Variants in SLC29A4 observed in about 807,000 individuals in gnomAD.
SLC29A4 encodes the protein equilibrative nucleoside transporter 4.
A neutral mutation model predicts 43.9 loss-of-function variants in SLC29A4; 36 were observed. That is an observed-to-expected ratio of 0.82 (90% confidence interval 0.63 to 1.08). The LOEUF (loss-of-function observed/expected upper bound fraction) is 1.08. SLC29A4 is among the 50% of genes least tolerant of loss of function. The pLI is 0.00. For missense variants in SLC29A4, 869 were observed against 755.3 expected (o/e 1.15, Z -1.77); for synonymous variants, 491 against 338.0 (o/e 1.45, Z -4.97).
At chr7:5,286,612 C>T (rs1441258265) in intron 1 of SLC29A4, among the ~76,000 whole-genome samples, 1 of 152,124 alleles carries the variant, frequency 6.6e-6, no homozygotes, top group African/African-American at 2.4e-5. Context: ...ACAGTGCAAG[C>T]GTCTCCATCA....
chr7:5,293,428 C>A (rs535902502), intron 5 of SLC29A4, among the ~76,000 whole-genome samples: 20 of 152,210 alleles, frequency 1.3e-4, no homozygotes, highest in Admixed American at 1.2e-3. Flanking sequence ...CCTCAGCCTC[C>A]CAAAGTGCTA....
chr7:5,283,395 C>G (rs1425793465), intron 1 of SLC29A4, among the ~76,000 whole-genome samples: 2 of 152,016 alleles, frequency 1.3e-5, no homozygotes, highest in African/African-American at 4.8e-5. Context: ...CCGCGCCACC[C>G]CATCGCTCCC....
At chr7:5,293,651 T>C (rs2128089059) in intron 5 of SLC29A4, among the ~76,000 whole-genome samples, 1 of 152,248 alleles carries the variant, frequency 6.6e-6, no homozygotes, top group Non-Finnish European at 1.5e-5. Flanking sequence ...GTGACTAGAT[T>C]TTATTTTTTT....
chr7:5,299,340 C>T lies in SLC29A4; in HGVS notation c.1122C>T (p.Leu374=), dbSNP rs144306458. ...YFITLCLFPG[L]ESEIRHCILG... is the part of the protein sequence containing the mutation. Reference sequence around the variant, plus strand: ...TCACGCTGTGCCTGTTCCCCGGCCTCGAGTCTGAGATCCGCCACTGCATCC... The same window carrying T: ...TCACGCTGTGCCTGTTCCCCGGCCTTGAGTCTGAGATCCGCCACTGCATCC... The change falls in exon 9 of 11, where the codon CTC becomes CTT. Residue 374 remains leucine (L), a synonymous_variant. Transcript: ENST00000396872. 2.7e-4 allele frequency: 438 copies of T among 1,612,110 alleles called. No homozygotes were observed. The highest frequency in any genetic ancestry group is 3.3e-4 in the Non-Finnish European group (389 of 1,179,866).
intron 9 of SLC29A4, among the ~76,000 whole-genome samples, chr7:5,299,789 G>A (rs1786004746): frequency 1.3e-5 from 2 of 152,230 alleles, no homozygotes; most frequent in South Asian, 4.1e-4. Flanking sequence ...AGTGGCTTAT[G>A]CCTGTAATCC....
chr7:5,296,045 C>T (rs1785633348), intron 6 of SLC29A4, among the ~76,000 whole-genome samples: 1 of 152,128 alleles, frequency 6.6e-6, no homozygotes, highest in African/African-American at 2.4e-5. Flanking sequence ...GCCCTCCCTC[C>T]CGGCCTCGTG....
chr7:5,299,487 G>T (rs1460129723), intron 9 of SLC29A4, 60 bp downstream of exon 9: 3 of 1,544,130 alleles, frequency 1.9e-6, no homozygotes, highest in Non-Finnish European at 1.8e-6. Flanking sequence ...GACAAGGGAG[G>T]CCCTGGCCTA....
At chr7:5,296,676 A>C (rs1366485402) in intron 6 of SLC29A4, among the ~76,000 whole-genome samples, 6 of 143,988 alleles carry the variant, frequency 4.2e-5, no homozygotes, top group Non-Finnish European at 9.1e-5. Context: ...TCATTGTAGG[A>C]ATTGCTGGAA....
Position 5,291,761 on chromosome 7 carries a change from C to G in SLC29A4, c.484C>G (p.Arg162Gly), listed in dbSNP as rs751986686. ...CGACGTGTGGCTGCAGCTCTTCTCT[C>G]GGGACCAGGCCTACGCCATCAACCT... The part of the protein sequence containing the change: ...ICDVWLQLFS[R>G]DQAYAINLAA... The change falls in exon 5 of 11, where the codon CGG (arginine) becomes GGG (glycine). Residue 162 changes from arginine (R) to glycine (G), a missense_variant. Physicochemically the swap from Arg to Gly is moderately radical, Grantham distance 125 (BLOSUM62 -2). Transcript: ENST00000396872. The G allele has an allele frequency of 9.3e-6, 15 of 1,611,900 alleles. No individual in the cohort carries two copies. Among genetic ancestry groups the G allele is most frequent in the Non-Finnish European group, 1.0e-5 (12 of 1,179,846 alleles).
chr7:5,298,558 A>G (rs1292807711), intron 7 of SLC29A4, among the ~76,000 whole-genome samples: 2 of 152,158 alleles, frequency 1.3e-5, no homozygotes, highest in Non-Finnish European at 2.9e-5. Context: ...ACAGGAGGCC[A>G]AGGTGGGAGG....
intron 2 of SLC29A4, among the ~76,000 whole-genome samples, chr7:5,288,271 T>G (rs1386174874): frequency 6.7e-6 from 1 of 148,612 alleles, no homozygotes; most frequent in Non-Finnish European, 1.5e-5. Context: ...GAAGGGACCA[T>G]GGCTCATGCG....
At position 5,287,865 on chromosome 7, in the gene SLC29A4, A is replaced by G. The variant is rs1387491499; in HGVS notation, c.49A>G (p.Thr17Ala). Reference sequence around the variant, plus strand: ...CCTTGAGGAGCCCAGCGTGGCAGGCACACCAGACCCGGGCGTAGTGATGAG... The same window carrying G: ...CCTTGAGGAGCCCAGCGTGGCAGGCGCACCAGACCCGGGCGTAGTGATGAG... Reference protein sequence around the residue: ...QRLEEPSVAGTPDPGVVMSFT... With the variant: ...QRLEEPSVAGAPDPGVVMSFT... The change falls in exon 2 of 11, where the codon ACA becomes GCA. Residue 17 changes from threonine (T) to alanine (A), a missense_variant. By Grantham distance (58) the Thr-to-Ala change is moderately conservative. Transcript: ENST00000396872. 1 of 1,611,882 alleles carries G rather than the reference A, an allele frequency of 6.2e-7. No homozygotes were observed. The highest frequency in any genetic ancestry group is 1.3e-5 in the African/African-American group (1 of 74,908).
intron 9 of SLC29A4, 63 bp downstream of exon 9, chr7:5,299,490 C>G: frequency 6.5e-7 from 1 of 1,533,370 alleles, no homozygotes; most frequent in Non-Finnish European, 8.8e-7. Context: ...AAGGGAGGCC[C>G]TGGCCTATCC....
intron 2 of SLC29A4, 33 bp from the exon 3 acceptor site, chr7:5,290,699 G>A (rs201809451): frequency 1.3e-5 from 20 of 1,587,962 alleles, no homozygotes; most frequent in Admixed American, 3.4e-5. Context: ...TGCGTGGAGC[G>A]TGCCCCGTCT....
rs183471601 is a variant in SLC29A4 at position 5,302,171 on chromosome 7, G to A, written c.1451-626G>A. On this transcript the variant is annotated intron_variant, in intron 10 of 10. Transcript: ENST00000396872. ...TCACCATCTTGGCCAGGCTGGTCTCGAACTCCTAACCTCAGGTGATCTGCC... is the reference window on the plus strand; with the variant it reads ...TCACCATCTTGGCCAGGCTGGTCTCAAACTCCTAACCTCAGGTGATCTGCC... 4.1e-4 allele frequency among the ~76,000 whole-genome samples: 62 copies of A among 152,124 alleles called. No homozygotes were observed. In the East Asian group the frequency reaches 9.3e-3, roughly 23 times the overall value.
intron 2 of SLC29A4, among the ~76,000 whole-genome samples, chr7:5,290,252 A>G (rs191242140): frequency 2.6e-5 from 4 of 152,152 alleles, no homozygotes; most frequent in Non-Finnish European, 4.4e-5. Flanking sequence ...TTTAGTAGAG[A>G]TGGGGTTTCA....
At chr7:5,292,985 C>T (rs947859196) in intron 5 of SLC29A4, among the ~76,000 whole-genome samples, 1 of 151,070 alleles carries the variant, frequency 6.6e-6, no homozygotes, top group African/African-American at 2.4e-5. Flanking sequence ...AGGCGTGAGC[C>T]ACCGCACCCC....
At chr7:5,291,079 G>T (rs368499379) in intron 3 of SLC29A4, 45 bp from the exon 4 acceptor site, 1 of 1,601,032 alleles carries the variant, frequency 6.2e-7, no homozygotes, top group Non-Finnish European at 8.5e-7. Context: ...GTCAGTGCAG[G>T]GGGTGGGGCC....
At chr7:5,297,319 T>A in intron 7 of SLC29A4, 121 bp downstream of exon 7, 11 of 1,129,138 alleles carry the variant, frequency 9.7e-6, no homozygotes, top group Non-Finnish European at 1.2e-5. Flanking sequence ...TCTCCTCCTG[T>A]GGTGGAGACT....
Sources: allele counts gnomAD v4.1 joint callset (sites outside exome capture counted in the v4.1 genomes callset), GRCh38; gene constraint gnomAD v4.1.1; transcripts MANE v1.5; gene names NCBI Gene and HGNC (gene_info 2026-07-23, HGNC 2026-07-21).